The following LYST variants were observed in gnomAD, a reference collection of about 807,000 sequenced individuals.
The protein encoded by LYST is lysosomal trafficking regulator.
LYST carries 192 observed loss-of-function variants against 413.6 expected under a neutral mutation model. The observed-to-expected ratio is 0.46, with a 90% CI of 0.41 to 0.52. The LOEUF (loss-of-function observed/expected upper bound fraction) is 0.52. LYST is among the 20% of genes least tolerant of loss of function. The probability of loss-of-function intolerance (pLI) is 0.00; values close to 1 mark genes in which losing one functional copy is unlikely to be tolerated. For missense variants in LYST, 3,815 were observed against 4,499.9 expected, an observed-to-expected ratio of 0.85 and a Z score of 4.35; for synonymous variants, 1,525 against 1,567.3, an observed-to-expected ratio of 0.97 and a Z score of 0.64.
At chr1:235,812,006 AT>A (rs538334127) in intron 4 of LYST, among the ~76,000 whole-genome samples, 38 of 150,618 alleles carry the variant, frequency 2.5e-4, no homozygotes, top group Non-Finnish European at 2.5e-4. Context: ...AAATACAATA[AT>A]TTTTTTTTTA....
At chr1:235,769,042 T>A (rs1668408511) in intron 20 of LYST, among the ~76,000 whole-genome samples, 1 of 152,072 alleles carries the variant, frequency 6.6e-6, no homozygotes, top group Admixed American at 6.6e-5. Flanking sequence ...AAAAACCATA[T>A]CCCTGCTTTC....
chr1:235,757,513 TTA>T lies in LYST; in HGVS notation c.6882-57_6882-56del, dbSNP rs1407819474. 13 of 1,310,744 alleles carry T rather than the reference TTA, an allele frequency of 9.9e-6. No individual in the cohort carries two copies. The East Asian group carries it at 3.0e-4, about 30-fold the overall frequency. The allele number at this position is 1,310,744 out of a possible 1,614,324, so 81.2% of individuals were successfully genotyped here. A position where few individuals can be genotyped will look rare whatever the true frequency, so the allele number is the denominator to read the frequency against. ...ACATGACAAGAAAAGTACTTGATGATTACCTTAGGAACTGTGACAAGTAGTAG... is the reference window on the plus strand; with the variant it reads ...ACATGACAAGAAAAGTACTTGATGATCCTTAGGAACTGTGACAAGTAGTAG... On this transcript the variant is annotated intron_variant, in intron 23 of 52. Coordinates refer to ENST00000389793, the MANE Select transcript of LYST (RefSeq NM_000081.4).
chr1:235,691,434 A>G (rs1660644808), intron 47 of LYST, among the ~76,000 whole-genome samples: 1 of 152,242 alleles, frequency 6.6e-6, no homozygotes, highest in South Asian at 2.1e-4. Context: ...TCTACTATAC[A>G]TGATGTCTGA....
At position 235,662,898 on chromosome 1, in the gene LYST, T is replaced by C. The variant is rs747106803; in HGVS notation, c.*42A>G. On this transcript the variant is annotated 3_prime_UTR_variant, in exon 53 of 53. Transcript: ENST00000389793. ...AACTGGTGAAGTCAACAAATCTAGTTTGGAGTTAAAGTGCTTTGGAGAACG... is the reference window on the plus strand; with the variant it reads ...AACTGGTGAAGTCAACAAATCTAGTCTGGAGTTAAAGTGCTTTGGAGAACG... The C allele has an allele frequency of 5.4e-6, 6 of 1,109,922 alleles. No homozygotes were observed. Among genetic ancestry groups the C allele is most frequent in the Middle Eastern group, 2.0e-4 (1 of 5,080 alleles). 68.8% of individuals were successfully genotyped at this position (1,109,922 alleles called of 1,614,324 possible).
chr1:235,842,744 A>G (rs747724553), intron 1 of LYST, among the ~76,000 whole-genome samples: 47 of 152,216 alleles, frequency 3.1e-4, no homozygotes, highest in Non-Finnish European at 6.3e-4. Flanking sequence ...TGAAATGGTC[A>G]CTAAAGTCAG....
At chr1:235,718,012 C>T (rs1430790290) in intron 40 of LYST, among the ~76,000 whole-genome samples, 1 of 151,652 alleles carries the variant, frequency 6.6e-6, no homozygotes, top group African/African-American at 2.4e-5. Context: ...TACAGGCATG[C>T]ACCACCACGC....
chr1:235,824,576 A>G (rs535950489), intron 3 of LYST, among the ~76,000 whole-genome samples: 2 of 152,324 alleles, frequency 1.3e-5, no homozygotes, highest in African/African-American at 4.8e-5. Context: ...GCATGGTGGT[A>G]TGGTAGAAAT....
chr1:235,879,949 G>A (rs1467921585), intron 1 of LYST, among the ~76,000 whole-genome samples: 1 of 152,034 alleles, frequency 6.6e-6, no homozygotes, highest in East Asian at 1.9e-4. Context: ...GTTAGCCAGG[G>A]TGATCTCGAA....
intron 1 of LYST, among the ~76,000 whole-genome samples, chr1:235,877,494 C>T (rs1423528467): frequency 6.6e-6 from 1 of 152,154 alleles, no homozygotes; most frequent in African/African-American, 2.4e-5. Context: ...GCAACCTCTG[C>T]CTCCCGGGTT....
In LYST at chr1:235,714,804, C is replaced by T. The variant is rs199677493; in HGVS notation, c.9784+397G>A. 1.2e-4 allele frequency among the ~76,000 whole-genome samples: 18 copies of T among 152,200 alleles called. No homozygotes were observed. In the East Asian group the frequency reaches 2.5e-3, roughly 21 times the overall value. On this transcript the variant is annotated intron_variant, in intron 42 of 52. Transcript: ENST00000389793. ...ATAATAAACCTCAATAATGTACTTG[C>T]CTTTATAATAAACTGCAATAATGTA...
At chr1:235,672,752 A>G (rs1156680102) in intron 50 of LYST, among the ~76,000 whole-genome samples, 1 of 152,172 alleles carries the variant, frequency 6.6e-6, no homozygotes, top group Non-Finnish European at 1.5e-5. Context: ...TTTTCCCGTT[A>G]CCCTATTAAG....
chr1:235,738,198 C>T, intron 31 of LYST: 1 of 1,610,338 alleles, frequency 6.2e-7, no homozygotes, highest in Non-Finnish European at 8.5e-7. Flanking sequence ...GGATCTCCAC[C>T]ATGGCAGCCT....
intron 23 of LYST, among the ~76,000 whole-genome samples, chr1:235,758,698 T>C (rs773368739): frequency 1.3e-4 from 20 of 152,206 alleles, no homozygotes; most frequent in Middle Eastern, 3.2e-3. Flanking sequence ...CCTGAAGAAT[T>C]TTCCTTAATA....
intron 1 of LYST, among the ~76,000 whole-genome samples, chr1:235,879,957 G>T (rs778877305): frequency 2.0e-5 from 3 of 152,064 alleles, no homozygotes; most frequent in Non-Finnish European, 4.4e-5. Flanking sequence ...GGGTGATCTC[G>T]AACTCCTGAC....
At position 235,832,634 on chromosome 1, in the gene LYST, A is replaced by G. The variant is rs189478379; in HGVS notation, c.-8+944T>C. Among the ~76,000 whole-genome samples, 13 of 152,234 alleles carry G rather than the reference A, an allele frequency of 8.5e-5. No individual in the cohort carries two copies. In the Middle Eastern group the frequency reaches 0.01, roughly 119 times the overall value. ...GCTGTATGGCATACTGCTACATGTA[A>G]ATATTACATATATAGCATTATATTA... On this transcript the variant is annotated intron_variant, in intron 2 of 52. Coordinates refer to ENST00000389793, the MANE Select transcript of LYST (RefSeq NM_000081.4).
At chr1:235,671,685 T>C (rs1265619107) in intron 50 of LYST, among the ~76,000 whole-genome samples, 1 of 152,148 alleles carries the variant, frequency 6.6e-6, no homozygotes, top group Non-Finnish European at 1.5e-5. Flanking sequence ...GTTTAAGGAA[T>C]AACAAAGAGG....
At chr1:235,733,786 A>C (rs1250037530) in intron 33 of LYST, 44 bp downstream of exon 33, 1 of 1,503,418 alleles carries the variant, frequency 6.7e-7, no homozygotes, top group East Asian at 2.3e-5. Flanking sequence ...GTGAAATCTA[A>C]TGGATTCCTA....
In LYST at chr1:235,751,302, G is replaced by T. The variant is rs761280851; in HGVS notation, c.7688C>A (p.Thr2563Asn). 1.2e-6 allele frequency: 2 copies of T among 1,613,572 alleles called. No homozygotes were observed. The highest frequency in any genetic ancestry group is 1.7e-6 in the Non-Finnish European group (2 of 1,179,558). Residue 2563 changes from threonine to asparagine, a missense_variant, in exon 28 of 53, where the codon ACC (threonine) becomes AAC (asparagine). Physicochemically the swap from Thr to Asn is moderately conservative, Grantham distance 65. This residue lies in a region of LYST where 771 missense variants were observed against 837.1 expected (regional missense o/e 0.92). Coordinates refer to ENST00000389793, the MANE Select transcript of LYST (RefSeq NM_000081.4). ...GAGGTTTTCAGAGTCATGATTTGCG[G>T]TGGTCCTTATAAATTCCATAGCAGC... ...LQAAMEFIRT[T>N]ANHDSENLTD...
At chr1:235,715,559 A>C (rs919804531) in intron 41 of LYST, among the ~76,000 whole-genome samples, 1 of 151,878 alleles carries the variant, frequency 6.6e-6, no homozygotes, top group African/African-American at 2.4e-5. Flanking sequence ...CTAAGACCCA[A>C]ACACTCAGAA....
Sources: allele counts gnomAD v4.1 joint callset (sites outside exome capture counted in the v4.1 genomes callset), GRCh38; gene constraint gnomAD v4.1.1; regional missense constraint gnomAD v4.1.1; transcripts MANE v1.5; gene names NCBI Gene and HGNC (gene_info 2026-07-23, HGNC 2026-07-21).